Variants in NOX4 observed in about 807,000 individuals in gnomAD.
NOX4 encodes the protein kidney oxidase-1.
A neutral mutation model predicts 87.6 loss-of-function variants in NOX4; 69 were observed. The ratio of observed to expected loss-of-function variants is 0.79; its 90% CI spans 0.65 to 0.96. NOX4 has a LOEUF of 0.96. Among genes scored for constraint, NOX4 ranks in the 40% least tolerant of loss-of-function variants. NOX4 has a pLI of 0.00. For missense variants in NOX4, 680 were observed against 681.5 expected (o/e 1.00, Z 0.02); for synonymous variants, 275 against 238.2 (o/e 1.15, Z -1.42).
chr11:89,418,816 C>T (rs891219871), intron 8 of NOX4, among the ~76,000 whole-genome samples: 8 of 151,910 alleles, frequency 5.3e-5, no homozygotes, highest in Admixed American at 2.0e-4. Context: ...GAGGCTTGAT[C>T]AAGATATCTT....
the NOX4 span, among the ~76,000 whole-genome samples, chr11:89,524,112 A>T: frequency 2.6e-5 from 4 of 152,140 alleles, no homozygotes; most frequent in Non-Finnish European, 5.9e-5. Flanking sequence ...AATCTTTCTA[A>T]TGCACACTTT....
At chr11:89,517,748 G>T in the NOX4 span, among the ~76,000 whole-genome samples, 4 of 151,810 alleles carry the variant, frequency 2.6e-5, no homozygotes, top group African/African-American at 9.7e-5. Flanking sequence ...CTGCCAAAAT[G>T]CTGGGTGATT....
At chr11:89,538,252 C>T in the NOX4 span, among the ~76,000 whole-genome samples, 1 of 152,080 alleles carries the variant, frequency 6.6e-6, no homozygotes. Context: ...TTGTTTATTT[C>T]AATATTTTGT....
chr11:89,430,308 C>A (rs1943707414), intron 7 of NOX4, among the ~76,000 whole-genome samples: 1 of 152,164 alleles, frequency 6.6e-6, no homozygotes, highest in African/African-American at 2.4e-5. Flanking sequence ...CAGGGATGTC[C>A]TCTCTCACCC....
intron 8 of NOX4, among the ~76,000 whole-genome samples, chr11:89,411,950 A>C (rs1268400033): frequency 2.0e-5 from 3 of 152,192 alleles, no homozygotes; most frequent in East Asian, 1.9e-4. Flanking sequence ...AGATACACAC[A>C]GACTGAAAAT....
chr11:89,523,251 T>C, the NOX4 span, among the ~76,000 whole-genome samples: 1 of 152,040 alleles, frequency 6.6e-6, no homozygotes, highest in African/African-American at 2.4e-5. Context: ...CTTGATCTCT[T>C]GACCTCGTAA....
chr11:89,396,466 T>C (rs546325144), intron 11 of NOX4, among the ~76,000 whole-genome samples: 240 of 152,202 alleles, frequency 1.6e-3, no homozygotes, highest in African/African-American at 5.5e-3. Context: ...AAAATTTGAC[T>C]TCCTCTTTTC....
chr11:89,529,262 G>A, the NOX4 span, among the ~76,000 whole-genome samples: 1 of 152,010 alleles, frequency 6.6e-6, no homozygotes, highest in Non-Finnish European at 1.5e-5. Context: ...GGTTTTTGCA[G>A]GTATATTTGT....
At chr11:89,529,923 G>A in the NOX4 span, among the ~76,000 whole-genome samples, 1 of 152,208 alleles carries the variant, frequency 6.6e-6, no homozygotes, top group African/African-American at 2.4e-5. Flanking sequence ...CAATTTTGAA[G>A]TTATTGCTTT....
chr11:89,362,010 C>T (rs566909707), intron 12 of NOX4, among the ~76,000 whole-genome samples: 2 of 152,224 alleles, frequency 1.3e-5, no homozygotes, highest in South Asian at 2.1e-4. Flanking sequence ...ACTACACAGG[C>T]AACTCTGATG....
upstream of NOX4, among the ~76,000 whole-genome samples, chr11:89,502,374 C>A (rs1947032149): frequency 6.6e-6 from 1 of 152,108 alleles, no homozygotes; most frequent in Non-Finnish European, 1.5e-5. Flanking sequence ...CTAGTCTTAT[C>A]GGTTAAAGAG....
In NOX4 at chr11:89,343,461, A is replaced by ATT. The variant is rs879304108; in HGVS notation, c.1218-1270_1218-1269dup. Reference sequence around the variant, plus strand: ...TAGAGAATCAGTTGTTTTTCATTTGATTTTTTTTTTTTTGTACCAGGAGAG... The same window carrying ATT: ...TAGAGAATCAGTTGTTTTTCATTTGATTTTTTTTTTTTTTTGTACCAGGAGAG... On this transcript the variant is annotated intron_variant, in intron 13 of 17. Coordinates refer to ENST00000263317, the MANE Select transcript of NOX4 (RefSeq NM_016931.5). 4.9e-3 allele frequency among the ~76,000 whole-genome samples: 702 copies of ATT among 143,676 alleles called. 6 individuals are homozygous for ATT. The highest frequency in any genetic ancestry group is 0.017 in the African/African-American group (667 of 39,612). The allele number at this position is 143,676 out of a possible 152,430, so 94.3% of individuals were successfully genotyped here.
At position 89,364,371 on chromosome 11, in the gene NOX4, T is replaced by C. The variant is rs564138032; in HGVS notation, c.1135+9061A>G. On this transcript the variant is annotated intron_variant, in intron 12 of 17. Coordinates refer to ENST00000263317, the MANE Select transcript of NOX4 (RefSeq NM_016931.5). ...TGTAGACAAATCTTGTGTCATAAGA[T>C]TCTAGGATTCAAATGAAAATGATTT... Among the ~76,000 whole-genome samples the C allele has an allele frequency of 3.3e-4, 50 of 152,060 alleles. 1 individual carries two copies. The highest frequency in any genetic ancestry group is 5.7e-4 in the Non-Finnish European group (39 of 68,010).
chr11:89,570,620 C>T, the NOX4 span, among the ~76,000 whole-genome samples: 2 of 152,066 alleles, frequency 1.3e-5, no homozygotes, highest in Admixed American at 6.5e-5. Context: ...ATCACTTGAC[C>T]CCAGAGTTCA....
At chr11:89,436,682 T>C (rs920121566) in intron 6 of NOX4, among the ~76,000 whole-genome samples, 3 of 152,162 alleles carry the variant, frequency 2.0e-5, no homozygotes, top group Non-Finnish European at 4.4e-5. Context: ...CATTATCCTA[T>C]TTTACTAACA....
intron 11 of NOX4, among the ~76,000 whole-genome samples, chr11:89,399,126 TATA>T (rs976893389): frequency 2.0e-5 from 3 of 151,780 alleles, no homozygotes; most frequent in African/African-American, 7.2e-5. Context: ...TTTTTATAAT[TATA>T]ATAATATTAA....
Position 89,431,319 on chromosome 11 carries a change from C to A in NOX4, c.548+1465G>T, listed in dbSNP as rs571216718. 5.3e-5 allele frequency among the ~76,000 whole-genome samples: 8 copies of A among 152,130 alleles called. No homozygotes were observed. The South Asian group carries it at 1.5e-3, about 28-fold the overall frequency. ...AGCAAGGACTTCATGTCTAAAACAC[C>A]AAAAGCAATGGCAACAAAAGCCAAA... On this transcript the variant is annotated intron_variant, in intron 7 of 17. Coordinates refer to ENST00000263317, the MANE Select transcript of NOX4 (RefSeq NM_016931.5).
At chr11:89,402,564 A>G (rs1472206823) in intron 8 of NOX4, 22 bp from the exon 9 acceptor site, 1 of 1,537,690 alleles carries the variant, frequency 6.5e-7, no homozygotes, top group South Asian at 1.1e-5. Flanking sequence ...TTTAAAACAA[A>G]CAAACAGAGA....
chr11:89,587,154 A>G, the NOX4 span, among the ~76,000 whole-genome samples: 1 of 152,094 alleles, frequency 6.6e-6, no homozygotes, highest in Non-Finnish European at 1.5e-5. Flanking sequence ...GGGTCAGAGA[A>G]GAAAGAATGA....
Sources: gnomAD v4.1 joint callset for allele counts (sites outside exome capture counted in the v4.1 genomes callset) on GRCh38, gnomAD v4.1.1 for gene constraint, MANE v1.5 for transcripts, NCBI Gene and HGNC (gene_info 2026-07-23, HGNC 2026-07-21) for gene names.